Variants in AGMO observed in about 807,000 individuals in gnomAD.
AGMO encodes the protein alkylglycerol monooxygenase, also known as glyceryl-ether monooxygenase.
A neutral mutation model predicts 60.2 loss-of-function variants in AGMO; 75 were observed. The ratio of observed to expected loss-of-function variants is 1.25; its 90% CI spans 1.03 to 1.51. AGMO has a LOEUF of 1.51. Ranked by LOEUF, AGMO falls within the 40% of genes most tolerant of loss-of-function variation. The pLI is 0.00. For synonymous variants in AGMO, 261 were observed against 177.1 expected (o/e 1.47, Z -3.76); for missense variants, 763 against 525.5 (o/e 1.45, Z -4.42).
rs533342378 is a variant in AGMO at position 15,322,960 on chromosome 7, C to CGT, written c.1263+42552_1263+42553dup. Reference sequence around the variant, plus strand: ...TGTGTGTGTGCATATATATATAACACGTGTGTGTATATATATATGTATTTA... The same window carrying CGT: ...TGTGTGTGTGCATATATATATAACACGTGTGTGTGTATATATATATGTATTTA... On this transcript the variant is annotated intron_variant, in intron 12 of 12. Coordinates refer to ENST00000342526, the MANE Select transcript of AGMO (RefSeq NM_001004320.2). Among the ~76,000 whole-genome samples the CGT allele has an allele frequency of 4.4e-3, 505 of 114,026 alleles. 1 individual carries two copies. Among genetic ancestry groups the CGT allele is most frequent in the Middle Eastern group, 0.017 (3 of 180 alleles). 74.8% of individuals were successfully genotyped at this position (114,026 alleles called of 152,430 possible).
chr7:15,176,775 CTTAT>C, the AGMO span, among the ~76,000 whole-genome samples: 18 of 151,670 alleles, frequency 1.2e-4, no homozygotes, highest in Non-Finnish European at 2.2e-4. Flanking sequence ...ATCCCCAGAG[CTTAT>C]TTGTCTTAAA....
chr7:15,440,440 C>T (rs1781521679), intron 3 of AGMO, among the ~76,000 whole-genome samples: 1 of 152,168 alleles, frequency 6.6e-6, no homozygotes, highest in Admixed American at 6.5e-5. Context: ...ATTAATGAGA[C>T]AGAGAAAAGC....
the AGMO span, among the ~76,000 whole-genome samples, chr7:15,132,968 C>T: frequency 2.0e-5 from 3 of 151,972 alleles, no homozygotes; most frequent in Non-Finnish European, 4.4e-5. Context: ...GAGGGGAGCA[C>T]GGTTATAATG....
chr7:15,393,550 G>A (rs1035454873), intron 6 of AGMO, among the ~76,000 whole-genome samples: 3 of 152,138 alleles, frequency 2.0e-5, no homozygotes, highest in Admixed American at 6.5e-5. Context: ...TATAGGGCTT[G>A]GGGTACACAA....
Position 15,357,857 on chromosome 7 carries a change from A to AT in AGMO, c.1263+7656dup, listed in dbSNP as rs1407182572. Among the ~76,000 whole-genome samples the AT allele has an allele frequency of 2.0e-5, 3 of 152,342 alleles. No individual in the cohort carries two copies. In the East Asian group the frequency reaches 5.8e-4, roughly 29 times the overall value. Reference sequence around the variant, plus strand: ...AAATTGTGAGAAATAATAAATCTTCATTTGCTTTAAGCCATTAAGTTTTGG... The same window carrying AT: ...AAATTGTGAGAAATAATAAATCTTCATTTTGCTTTAAGCCATTAAGTTTTGG... On this transcript the variant is annotated intron_variant, in intron 12 of 12. Transcript: ENST00000342526.
intron 3 of AGMO, among the ~76,000 whole-genome samples, chr7:15,528,276 G>C (rs191837114): frequency 1.3e-4 from 20 of 151,930 alleles, no homozygotes; most frequent in African/African-American, 4.8e-4. Flanking sequence ...CTTAGTAAAC[G>C]ACAGTGTAGT....
intron 12 of AGMO, among the ~76,000 whole-genome samples, chr7:15,320,635 A>C (rs1781080203): frequency 6.6e-6 from 1 of 152,158 alleles, no homozygotes; most frequent in African/African-American, 2.4e-5. Flanking sequence ...ATTTCAGAGA[A>C]GCTGAATTTT....
intron 5 of AGMO, among the ~76,000 whole-genome samples, chr7:15,406,146 A>T (rs2128490903): frequency 6.6e-6 from 1 of 151,626 alleles, no homozygotes; most frequent in African/African-American, 2.4e-5. Context: ...GCAGATTCTC[A>T]AAGGAGGGTG....
chr7:15,155,270 T>C, the AGMO span, among the ~76,000 whole-genome samples: 1 of 152,066 alleles, frequency 6.6e-6, no homozygotes, highest in African/African-American at 2.4e-5. Context: ...CATAATCCTA[T>C]ATTTCCTGGA....
At chr7:15,543,519 A>G (rs371942059) in intron 3 of AGMO, among the ~76,000 whole-genome samples, 12 of 152,282 alleles carry the variant, frequency 7.9e-5, no homozygotes, top group African/African-American at 2.6e-4. Flanking sequence ...TTGCATTTTC[A>G]TTTGTAATGT....
intron 12 of AGMO, among the ~76,000 whole-genome samples, chr7:15,248,592 T>TCAG (rs372651099): frequency 6.6e-6 from 1 of 152,212 alleles, no homozygotes; most frequent in East Asian, 1.9e-4. Context: ...TCAACCAAGT[T>TCAG]CAGTGGTAAT....
chr7:15,458,592 T>C (rs1782055232), intron 3 of AGMO, among the ~76,000 whole-genome samples: 1 of 152,224 alleles, frequency 6.6e-6, no homozygotes. Context: ...ATCTCACTTT[T>C]GCTAGACAGT....
In AGMO at chr7:15,397,155, G is replaced by C. The variant is rs1293579515; in HGVS notation, c.610-2976C>G. Among the ~76,000 whole-genome samples, 3 of 152,142 alleles carry C rather than the reference G, an allele frequency of 2.0e-5. No individual in the cohort carries two copies. The East Asian group carries it at 5.8e-4, about 30-fold the overall frequency. ...CCGCAGCCCAGAGGGAGCTCTCCCA[G>C]ACAACCAAGAGGAAAAGTGGGGAAG... is the stretch of plus-strand genomic sequence containing the variant. On this transcript the variant is annotated intron_variant, in intron 5 of 12. Coordinates refer to ENST00000342526, the MANE Select transcript of AGMO (RefSeq NM_001004320.2).
intron 9 of AGMO, 40 bp downstream of exon 9, chr7:15,387,366 G>A: frequency 6.2e-7 from 1 of 1,600,236 alleles, no homozygotes; most frequent in Non-Finnish European, 8.5e-7. Context: ...GACAATATGA[G>A]ACAATCTTCA....
chr7:15,485,142 CAAAA>C (rs34731268), intron 3 of AGMO, among the ~76,000 whole-genome samples: 2 of 97,810 alleles, frequency 2.0e-5, no homozygotes, highest in Non-Finnish European at 4.3e-5. Flanking sequence ...ACTAAAAATA[CAAAA>C]AAAAAAAAAA....
intron 3 of AGMO, among the ~76,000 whole-genome samples, chr7:15,437,582 T>C (rs374723689): frequency 6.8e-5 from 10 of 146,768 alleles, no homozygotes; most frequent in South Asian, 2.2e-4. Context: ...TCGCCCAGGC[T>C]CGAGTGCAGT....
the AGMO span, among the ~76,000 whole-genome samples, chr7:15,162,408 G>A: frequency 1.3e-5 from 2 of 152,094 alleles, no homozygotes; most frequent in African/African-American, 2.4e-5. Flanking sequence ...AATAATCAAA[G>A]GTGACCAGGC....
chr7:15,353,715 C>T (rs912243778), intron 12 of AGMO, among the ~76,000 whole-genome samples: 2 of 152,044 alleles, frequency 1.3e-5, no homozygotes, highest in East Asian at 1.9e-4. Flanking sequence ...ATACATTAAA[C>T]TGACAGTGAA....
chr7:15,251,394 C>T lies in AGMO; in HGVS notation c.1264-50035G>A, dbSNP rs543727739. The stretch of plus-strand genomic sequence containing the variant: ...ATAACTTAATGCAGAACATTTGTTC[C>T]ATCTGTGATGAAAGAGCTAAGAAGC... On this transcript the variant is annotated intron_variant, in intron 12 of 12. Coordinates refer to ENST00000342526, the MANE Select transcript of AGMO (RefSeq NM_001004320.2). Among the ~76,000 whole-genome samples, 7 of 152,208 alleles carry T rather than the reference C, an allele frequency of 4.6e-5. No homozygotes were observed. The East Asian group carries it at 1.4e-3, about 29-fold the overall frequency.
Sources: gnomAD v4.1 joint callset for allele counts (sites outside exome capture counted in the v4.1 genomes callset) on GRCh38, gnomAD v4.1.1 for gene constraint, MANE v1.5 for transcripts, NCBI Gene and HGNC (gene_info 2026-07-23, HGNC 2026-07-21) for gene names.